RAB3C: variants seen among roughly 807,000 people sequenced by gnomAD.
The protein encoded by RAB3C is ras-related protein Rab-3C.
A neutral mutation model predicts 26.4 loss-of-function variants in RAB3C; 17 were observed. That is an observed-to-expected ratio of 0.64 (90% CI 0.44 to 0.97). The LOEUF is 0.97. Among genes scored for constraint, RAB3C ranks in the 50% least tolerant of loss-of-function variants. The probability of loss-of-function intolerance (pLI) is 0.00; values close to 1 mark genes in which losing one functional copy is unlikely to be tolerated. For synonymous variants in RAB3C, 91 were observed against 95.9 expected, an observed-to-expected ratio of 0.95 and a Z score of 0.30; for missense variants, 242 against 281.9, an observed-to-expected ratio of 0.86 and a Z score of 1.01.
intron 3 of RAB3C, among the ~76,000 whole-genome samples, chr5:58,797,097 T>C (rs1488315702): frequency 1.3e-5 from 2 of 151,902 alleles, no homozygotes; most frequent in Non-Finnish European, 2.9e-5. Context: ...ATTCCACTAA[T>C]GTTTATTTGC....
At chr5:58,845,320 A>C (rs1743964180) in intron 4 of RAB3C, among the ~76,000 whole-genome samples, 1 of 152,086 alleles carries the variant, frequency 6.6e-6, no homozygotes, top group South Asian at 2.1e-4. Context: ...CCTGCGCCAC[A>C]GCCAGGAAGT....
intron 4 of RAB3C, among the ~76,000 whole-genome samples, chr5:58,848,212 G>T (rs921883091): frequency 6.6e-6 from 1 of 152,148 alleles, no homozygotes; most frequent in Non-Finnish European, 1.5e-5. Context: ...CAGCTGTCAT[G>T]ATGACCATCT....
At chr5:58,612,342 T>C (rs979080184) in intron 1 of RAB3C, among the ~76,000 whole-genome samples, 1 of 151,846 alleles carries the variant, frequency 6.6e-6, no homozygotes, top group African/African-American at 2.4e-5. Flanking sequence ...ATTTTAATGA[T>C]ATTGCTTCTT....
intron 2 of RAB3C, among the ~76,000 whole-genome samples, chr5:58,705,749 C>T (rs571223321): frequency 6.6e-6 from 1 of 152,290 alleles, no homozygotes; most frequent in Admixed American, 6.5e-5. Context: ...CTCTCTCCCT[C>T]TCTTCATCCC....
At chr5:58,819,773 G>A (rs2112051140) in intron 3 of RAB3C, among the ~76,000 whole-genome samples, 1 of 152,216 alleles carries the variant, frequency 6.6e-6, no homozygotes, top group South Asian at 2.1e-4. Context: ...TACCTACTGG[G>A]GAGGCTGTGG....
At chr5:58,641,308 C>T (rs1027211454) in intron 2 of RAB3C, among the ~76,000 whole-genome samples, 4 of 152,168 alleles carry the variant, frequency 2.6e-5, no homozygotes, top group Non-Finnish European at 5.9e-5. Flanking sequence ...TTTTCCAATC[C>T]TCCTGCTGTG....
chr5:58,605,673 G>A (rs1305561236), intron 1 of RAB3C, among the ~76,000 whole-genome samples: 2 of 152,124 alleles, frequency 1.3e-5, no homozygotes, highest in African/African-American at 4.8e-5. Context: ...CGAGGCAGGA[G>A]GATCTCTTGA....
intron 4 of RAB3C, among the ~76,000 whole-genome samples, chr5:58,846,176 C>T (rs2112085804): frequency 6.6e-6 from 1 of 152,064 alleles, no homozygotes; most frequent in East Asian, 1.9e-4. Context: ...TTTGTTTATC[C>T]ATTCATAGGT....
intron 3 of RAB3C, among the ~76,000 whole-genome samples, chr5:58,762,257 G>A (rs1206739900): frequency 2.6e-5 from 4 of 152,188 alleles, no homozygotes; most frequent in African/African-American, 9.7e-5. Context: ...AGCCATGAGT[G>A]GCTGAAGGTG....
intron 2 of RAB3C, among the ~76,000 whole-genome samples, chr5:58,697,898 T>C (rs1579864626): frequency 6.6e-6 from 1 of 152,246 alleles, no homozygotes; most frequent in East Asian, 1.9e-4. Context: ...TGTCTTTTAA[T>C]TGGGGCATTT....
intron 3 of RAB3C, among the ~76,000 whole-genome samples, chr5:58,794,912 TAACA>T (rs1742610062): frequency 6.6e-6 from 1 of 152,246 alleles, no homozygotes; most frequent in Non-Finnish European, 1.5e-5. Flanking sequence ...TCTGCATTGC[TAACA>T]AGCACCAGGT....
At chr5:58,695,724 T>C (rs2111868233) in intron 2 of RAB3C, among the ~76,000 whole-genome samples, 1 of 152,336 alleles carries the variant, frequency 6.6e-6, no homozygotes, top group South Asian at 2.1e-4. Flanking sequence ...GCTCTCTGTT[T>C]GTCTGTTATT....
At chr5:58,720,416 T>C (rs983480458) in intron 2 of RAB3C, among the ~76,000 whole-genome samples, 19 of 152,048 alleles carry the variant, frequency 1.2e-4, no homozygotes, top group South Asian at 8.3e-4. Flanking sequence ...TAAAATATAC[T>C]GAGCATAATT....
At chr5:58,811,249 T>A (rs1204541323) in intron 3 of RAB3C, among the ~76,000 whole-genome samples, 1 of 152,204 alleles carries the variant, frequency 6.6e-6, no homozygotes, top group Non-Finnish European at 1.5e-5. Context: ...CTTTTCTCAT[T>A]TCTTGGTTTC....
chr5:58,830,681 A>G (rs1427695987), intron 4 of RAB3C, among the ~76,000 whole-genome samples: 1 of 152,164 alleles, frequency 6.6e-6, no homozygotes, highest in Non-Finnish European at 1.5e-5. Flanking sequence ...AGAGAAAGGC[A>G]TTGACTACAC....
intron 2 of RAB3C, among the ~76,000 whole-genome samples, chr5:58,682,578 A>G (rs158997): frequency 0.67 from 101,736 of 151,602 alleles, 34,408 homozygotes; most frequent in Middle Eastern, 0.76. Flanking sequence ...CAGCTACTGG[A>G]GAGGCTGAGG....
intron 3 of RAB3C, among the ~76,000 whole-genome samples, chr5:58,765,286 G>A (rs1270128299): frequency 6.6e-6 from 1 of 152,090 alleles, no homozygotes; most frequent in African/African-American, 2.4e-5. Flanking sequence ...GACTGGCCCA[G>A]TTTTTTCCAT....
At chr5:58,604,477 G>A (rs1746519560) in intron 1 of RAB3C, among the ~76,000 whole-genome samples, 1 of 152,186 alleles carries the variant, frequency 6.6e-6, no homozygotes, top group Non-Finnish European at 1.5e-5. Flanking sequence ...CTTTGAGTGG[G>A]TCTTGCTTCA....
intron 1 of RAB3C, among the ~76,000 whole-genome samples, chr5:58,604,278 G>A (rs915050971): frequency 2.6e-5 from 4 of 152,190 alleles, no homozygotes; most frequent in Non-Finnish European, 5.9e-5. Flanking sequence ...TTTTTGTCCT[G>A]GTTGGCCTTC....
Sources: gnomAD v4.1 joint callset for allele counts (sites outside exome capture counted in the v4.1 genomes callset) on GRCh38, gnomAD v4.1.1 for gene constraint, MANE v1.5 for transcripts, NCBI Gene and HGNC (gene_info 2026-07-23, HGNC 2026-07-21) for gene names.